PDK1: variants seen among roughly 807,000 people sequenced by gnomAD.
PDK1 encodes pyruvate dehydrogenase kinase 1.
A neutral mutation model predicts 54.2 loss-of-function variants in PDK1; 39 were observed. The ratio of observed to expected loss-of-function variants is 0.72; its 90% CI spans 0.56 to 0.94. The LOEUF is 0.94. Among genes scored for constraint, PDK1 ranks in the 40% least tolerant of loss-of-function variants. PDK1 has a pLI of 0.00. For missense variants in PDK1, 552 were observed against 566.0 expected (o/e 0.98, Z 0.25); for synonymous variants, 221 against 207.1 (o/e 1.07, Z -0.58).
At chr2:172,563,949 G>A (rs528681892) in intron 3 of PDK1, 2 of 461,638 alleles carry the variant, frequency 4.3e-6, no homozygotes, top group South Asian at 3.2e-5. Flanking sequence ...TAATATAATT[G>A]TTTACTTTTC....
chr2:172,690,343 A>T, the PDK1 span, among the ~76,000 whole-genome samples: 181 of 150,522 alleles, frequency 1.2e-3, 3 homozygotes, highest in Non-Finnish European at 1.5e-3. Flanking sequence ...TCAAAAAGTC[A>T]GGAAACAACA....
At chr2:172,579,948 T>C (rs1337486432) in intron 8 of PDK1, among the ~76,000 whole-genome samples, 2 of 152,062 alleles carry the variant, frequency 1.3e-5, no homozygotes, top group Non-Finnish European at 2.9e-5. Flanking sequence ...TTTCCTTGAC[T>C]TCAGATTCCC....
At chr2:172,635,630 G>T in the PDK1 span, among the ~76,000 whole-genome samples, 42 of 152,214 alleles carry the variant, frequency 2.8e-4, 1 homozygote, top group African/African-American at 8.9e-4. Context: ...CTATTTTTCT[G>T]TTTTTTGTAT....
rs773480530 is a variant in PDK1, at chr2:172,563,834, C to CA, written c.411-657dup. ...GGGCAACAAGAGCAAAATTCCATCT[C>CA]AAAAAAAAAAAAGACTTATTTTCTC... On this transcript the variant is annotated intron_variant, in intron 3 of 10. Coordinates refer to ENST00000282077, the MANE Select transcript of PDK1 (RefSeq NM_002610.5). Among the ~76,000 whole-genome samples, 475 of 133,880 alleles carry CA rather than the reference C, an allele frequency of 3.5e-3. 2 individuals carry two copies. Among genetic ancestry groups the CA allele is most frequent in the African/African-American group, 0.01 (364 of 36,348 alleles). 87.8% of individuals were successfully genotyped at this position (133,880 alleles called of 152,430 possible).
chr2:172,723,545 C>G, the PDK1 span: 1 of 151,996 alleles, frequency 6.6e-6, no homozygotes, highest in Non-Finnish European at 1.5e-5. Context: ...TTAAAAATGT[C>G]AATGTCATGA....
the PDK1 span, among the ~76,000 whole-genome samples, chr2:172,646,735 C>CTCTTTTTTTTTTTTT: frequency 2.8e-5 from 2 of 72,060 alleles, no homozygotes; most frequent in Non-Finnish European, 5.4e-5. Context: ...CTTGCATTTC[C>CTCTTTTTTTTTTTTT]TTTTTTTTTT....
the PDK1 span, among the ~76,000 whole-genome samples, chr2:172,713,980 T>A: frequency 6.6e-6 from 1 of 152,232 alleles, no homozygotes; most frequent in East Asian, 1.9e-4. Flanking sequence ...AAAGTTATCA[T>A]ACCCATTTTA....
the PDK1 span, among the ~76,000 whole-genome samples, chr2:172,624,821 C>A: frequency 6.6e-6 from 1 of 152,052 alleles, no homozygotes; most frequent in Non-Finnish European, 1.5e-5. Context: ...CAACAGAAAC[C>A]TTGTCTCTGT....
chr2:172,619,864 T>C, the PDK1 span, among the ~76,000 whole-genome samples: 1 of 152,168 alleles, frequency 6.6e-6, no homozygotes, highest in African/African-American at 2.4e-5. Context: ...TGAAGAACAT[T>C]CCAGACAAAA....
chr2:172,567,626 A>G (rs3769321), intron 6 of PDK1, among the ~76,000 whole-genome samples: 41,820 of 152,172 alleles, frequency 0.27, 7,314 homozygotes, highest in African/African-American at 0.5. Flanking sequence ...TTGCTTGGTG[A>G]TTTTCTAAAG....
intron 3 of PDK1, among the ~76,000 whole-genome samples, chr2:172,563,305 T>C (rs187972753): frequency 3.3e-5 from 5 of 152,294 alleles, no homozygotes; most frequent in Admixed American, 2.0e-4. Context: ...AAGGAGTGAC[T>C]AGAATGATGA....
the PDK1 span, among the ~76,000 whole-genome samples, chr2:172,701,159 G>T: frequency 6.6e-6 from 1 of 152,038 alleles, no homozygotes; most frequent in Admixed American, 6.5e-5. Flanking sequence ...CAACAAAATC[G>T]GCCACTTGTT....
the PDK1 span, among the ~76,000 whole-genome samples, chr2:172,720,764 G>A: frequency 1.3e-5 from 2 of 152,118 alleles, no homozygotes; most frequent in Non-Finnish European, 2.9e-5. Flanking sequence ...GCTGTAATGG[G>A]TTTTCATCTA....
At chr2:172,663,594 T>C in the PDK1 span, among the ~76,000 whole-genome samples, 1 of 152,032 alleles carries the variant, frequency 6.6e-6, no homozygotes, top group Non-Finnish European at 1.5e-5. Flanking sequence ...GACAGCCAGG[T>C]GGGAGGGGGT....
the PDK1 span, among the ~76,000 whole-genome samples, chr2:172,710,856 G>A: frequency 1.3e-5 from 2 of 152,328 alleles, no homozygotes; most frequent in Admixed American, 6.5e-5. Context: ...AGTCGAGTGA[G>A]TCATTATATC....
At chr2:172,700,863 C>G in the PDK1 span, among the ~76,000 whole-genome samples, 2 of 152,172 alleles carry the variant, frequency 1.3e-5, no homozygotes, top group South Asian at 4.1e-4. Flanking sequence ...ACCAGTCAGG[C>G]ATGGCGGCGC....
chr2:172,656,113 T>C, the PDK1 span, among the ~76,000 whole-genome samples: 1 of 152,234 alleles, frequency 6.6e-6, no homozygotes, highest in South Asian at 2.1e-4. Context: ...CATTTTTCTC[T>C]CTTTAAGACC....
intron 5 of PDK1, among the ~76,000 whole-genome samples, chr2:172,566,174 T>G (rs967228867): frequency 6.6e-6 from 1 of 152,220 alleles, no homozygotes; most frequent in Non-Finnish European, 1.5e-5. Flanking sequence ...TGTTGGTGTC[T>G]TTTTAGCATA....
chr2:172,614,977 GT>G, the PDK1 span, among the ~76,000 whole-genome samples: 30,632 of 152,166 alleles, frequency 0.2, 3,530 homozygotes, highest in African/African-American at 0.3. Context: ...ACACAACAGT[GT>G]ACTATTGTGT....
Sources: gnomAD v4.1 joint callset for allele counts (sites outside exome capture counted in the v4.1 genomes callset) on GRCh38, gnomAD v4.1.1 for gene constraint, MANE v1.5 for transcripts, NCBI Gene and HGNC (gene_info 2026-07-23, HGNC 2026-07-21) for gene names.